The following CCDC138 variants were observed in gnomAD, a reference collection of about 807,000 sequenced individuals.
The protein encoded by CCDC138 is coiled-coil domain containing 138, also known as coiled-coil domain-containing protein 138.
In CCDC138, 66 loss-of-function variants were observed where a neutral mutation model predicts 82.3. The ratio of observed to expected loss-of-function variants is 0.80; its 90% CI spans 0.66 to 0.98. CCDC138 has a LOEUF of 0.98. Ranked by LOEUF, CCDC138 falls within the 50% of genes least tolerant of loss-of-function variation. The probability of loss-of-function intolerance (pLI) is 0.00; values close to 1 mark genes in which losing one functional copy is unlikely to be tolerated. For missense variants in CCDC138, 816 were observed against 758.9 expected (o/e 1.08, Z -0.88); for synonymous variants, 297 against 265.4 (o/e 1.12, Z -1.16).
chr2:108,808,690 C>A (rs1254442552), intron 7 of CCDC138, among the ~76,000 whole-genome samples: 1 of 152,132 alleles, frequency 6.6e-6, no homozygotes, highest in Non-Finnish European at 1.5e-5. Context: ...ATTATTTACC[C>A]ATTTTTTATT....
At chr2:108,883,862 GCTTT>G (rs756268219) in intron 2 of CCDC138, 2 of 152,340 alleles carry the variant, frequency 1.3e-5, no homozygotes, top group South Asian at 4.1e-4. Context: ...GGTGTCATCT[GCTTT>G]CTTTCAGGAG....
chr2:108,809,694 T>C (rs1195755963), intron 7 of CCDC138, among the ~76,000 whole-genome samples: 4 of 152,228 alleles, frequency 2.6e-5, no homozygotes, highest in Non-Finnish European at 5.9e-5. Flanking sequence ...CCTTCAACTT[T>C]ACCAAATTTA....
chr2:108,866,903 A>T (rs1182811556), intron 13 of CCDC138, among the ~76,000 whole-genome samples: 5 of 152,006 alleles, frequency 3.3e-5, no homozygotes, highest in Admixed American at 6.6e-5. Context: ...GAAAGAAATG[A>T]GTAAAATATT....
intron 6 of CCDC138, among the ~76,000 whole-genome samples, chr2:108,798,926 C>G (rs1681410884): frequency 6.6e-6 from 1 of 151,468 alleles, no homozygotes; most frequent in Non-Finnish European, 1.5e-5. Flanking sequence ...TATGTATCTC[C>G]TAAGAATAAA....
chr2:108,798,687 C>T (rs1219699832), intron 6 of CCDC138, 101 bp downstream of exon 6: 3 of 791,010 alleles, frequency 3.8e-6, no homozygotes, highest in Admixed American at 2.7e-5. Context: ...TTCTCCTTCC[C>T]TTCCTCCTCC....
intron 4 of CCDC138, 88 bp downstream of exon 4, chr2:108,791,890 C>A: frequency 2.3e-6 from 3 of 1,300,102 alleles, no homozygotes; most frequent in Non-Finnish European, 3.1e-6. Flanking sequence ...TAACACTGGC[C>A]CCCAAGAGTT....
chr2:108,870,157 CAAAG>C (rs1695013808), intron 13 of CCDC138, among the ~76,000 whole-genome samples: 1 of 151,892 alleles, frequency 6.6e-6, no homozygotes, highest in African/African-American at 2.4e-5. Context: ...TTTCTGTCAA[CAAAG>C]AAACAAATTA....
intron 7 of CCDC138, among the ~76,000 whole-genome samples, chr2:108,808,098 A>G (rs941773216): frequency 2.6e-5 from 4 of 152,198 alleles, no homozygotes; most frequent in East Asian, 1.9e-4. Context: ...TTCACTTAAC[A>G]TAAGTGTGTG....
At chr2:108,791,297 T>C (rs1040273968) in intron 3 of CCDC138, among the ~76,000 whole-genome samples, 2 of 152,216 alleles carry the variant, frequency 1.3e-5, no homozygotes, top group African/African-American at 4.8e-5. Flanking sequence ...CTACTCGTTA[T>C]GTCACCCATC....
At chr2:108,791,565 GT>G in intron 3 of CCDC138, 109 bp from the exon 4 acceptor site, 1 of 1,307,108 alleles carries the variant, frequency 7.7e-7, no homozygotes, top group East Asian at 2.4e-5. Flanking sequence ...TTTAAAAAAT[GT>G]TTTTACATTT....
At chr2:108,793,455 CCTA>C (rs769626755) in intron 4 of CCDC138, among the ~76,000 whole-genome samples, 5 of 152,252 alleles carry the variant, frequency 3.3e-5, no homozygotes, top group East Asian at 1.9e-4. Flanking sequence ...GAGGAACTCA[CCTA>C]CTGCTGTTGG....
chr2:108,790,478 G>A (rs146352062), intron 3 of CCDC138, among the ~76,000 whole-genome samples: 183 of 152,254 alleles, frequency 1.2e-3, no homozygotes, highest in African/African-American at 4.3e-3. Context: ...TTGAAATGGG[G>A]CTGGTCTGAA....
chr2:108,861,873 A>G (rs1693676388), intron 13 of CCDC138, among the ~76,000 whole-genome samples: 1 of 152,004 alleles, frequency 6.6e-6, no homozygotes, highest in African/African-American at 2.4e-5. Flanking sequence ...ACTGTATCCT[A>G]CAGGTTTTGG....
At chr2:108,815,222 C>A (rs955618351) in intron 9 of CCDC138, among the ~76,000 whole-genome samples, 1 of 152,006 alleles carries the variant, frequency 6.6e-6, no homozygotes. Context: ...AGTGGAAATT[C>A]TTTAGCTCTG....
rs370352552 is a variant in CCDC138, at chr2:108,804,169, A to G, written c.736-720A>G. The stretch of plus-strand genomic sequence containing the variant: ...TTATATCACTACTTGGAAGAAGGGA[A>G]TTAATTCAATTTTTTGATTTCCTGT... On this transcript the variant is annotated intron_variant, in intron 6 of 14. Coordinates refer to ENST00000295124, the MANE Select transcript of CCDC138 (RefSeq NM_144978.3). Among the ~76,000 whole-genome samples the G allele has an allele frequency of 3.9e-5, 6 of 152,308 alleles. No individual in the cohort carries two copies. In the East Asian group the frequency reaches 1.2e-3, roughly 29 times the overall value.
chr2:108,883,120 G>A (rs1696337430), intron 2 of CCDC138: 1 of 152,202 alleles, frequency 6.6e-6, no homozygotes, highest in East Asian at 1.9e-4. Flanking sequence ...TGAGCCCAAA[G>A]CCTTTAGATA....
chr2:108,884,444 A>G (rs1696374310), intron 2 of CCDC138: 1 of 152,216 alleles, frequency 6.6e-6, no homozygotes, highest in Admixed American at 6.5e-5. Context: ...AGAAAAGGAA[A>G]CCTCTGAGAC....
At chr2:108,827,367 AAAAGAG>A (rs1447096917) in intron 10 of CCDC138, among the ~76,000 whole-genome samples, 2 of 152,216 alleles carry the variant, frequency 1.3e-5, no homozygotes, top group African/African-American at 4.8e-5. Context: ...TAAAATAAAT[AAAAGAG>A]AAAATGTGCA....
chr2:108,823,241 T>C (rs1241149202), intron 10 of CCDC138, among the ~76,000 whole-genome samples: 1 of 152,208 alleles, frequency 6.6e-6, no homozygotes, highest in Non-Finnish European at 1.5e-5. Context: ...ATCCTCCTCA[T>C]ATTCTTCGAA....
Sources: gnomAD v4.1 joint callset for allele counts (sites outside exome capture counted in the v4.1 genomes callset) on GRCh38, gnomAD v4.1.1 for gene constraint, MANE v1.5 for transcripts, NCBI Gene and HGNC (gene_info 2026-07-23, HGNC 2026-07-21) for gene names.